TMCO4: variants seen among roughly 807,000 people sequenced by gnomAD.
TMCO4 encodes transmembrane and coiled-coil domains 4.
Under a neutral mutation model 64.7 loss-of-function variants are expected in TMCO4, and 58 were observed. The ratio of observed to expected loss-of-function variants is 0.90; its 90% CI spans 0.73 to 1.12. The LOEUF is 1.12. Among genes scored for constraint, TMCO4 ranks in the 50% most tolerant of loss-of-function variants. TMCO4 has a pLI of 0.00. For synonymous variants in TMCO4, 325 were observed against 346.1 expected (o/e 0.94, Z 0.68); for missense variants, 780 against 825.9 (o/e 0.94, Z 0.68).
chr1:19,735,981 T>C (rs1351568064), intron 13 of TMCO4, among the ~76,000 whole-genome samples: 1 of 152,150 alleles, frequency 6.6e-6, no homozygotes, highest in Non-Finnish European at 1.5e-5. Flanking sequence ...CCAGCACCGA[T>C]GGCCAGATAC....
chr1:19,797,265 A>C (rs1013762098), intron 2 of TMCO4, among the ~76,000 whole-genome samples: 2 of 152,150 alleles, frequency 1.3e-5, no homozygotes, highest in African/African-American at 4.8e-5. Context: ...CCCAGCAATG[A>C]GAGTATAATT....
At chr1:19,712,670 C>T (rs1003298234) in intron 13 of TMCO4, among the ~76,000 whole-genome samples, 1 of 150,908 alleles carries the variant, frequency 6.6e-6, no homozygotes, top group African/African-American at 2.4e-5. Context: ...GTGAGAATTA[C>T]CAAATGTGTC....
chr1:19,707,094 C>T (rs55922021), intron 13 of TMCO4, among the ~76,000 whole-genome samples: 3,413 of 152,284 alleles, frequency 0.022, 104 homozygotes, highest in African/African-American at 0.073. Context: ...GCAATGGCCT[C>T]GAAGCCCTGC....
At chr1:19,778,367 G>A (rs543953067) in intron 4 of TMCO4, among the ~76,000 whole-genome samples, 10 of 152,040 alleles carry the variant, frequency 6.6e-5, no homozygotes, top group Admixed American at 5.2e-4. Flanking sequence ...TCTGCCTCCC[G>A]GGTTCAAGCG....
At chr1:19,751,155 T>C (rs573142761) in intron 7 of TMCO4, among the ~76,000 whole-genome samples, 1 of 152,342 alleles carries the variant, frequency 6.6e-6, no homozygotes, top group South Asian at 2.1e-4. Flanking sequence ...GCTTGGAAAC[T>C]GGAGGGTACT....
rs138041522 is a variant in TMCO4 at position 19,772,455 on chromosome 1, G to A, written c.180-973C>T. 1.1e-3 allele frequency among the ~76,000 whole-genome samples: 171 copies of A among 152,264 alleles called. 1 individual carries two copies. The highest frequency in any genetic ancestry group is 1.5e-3 in the Non-Finnish European group (103 of 67,992). ...CCCCAGGGGAGGATGGGATGGGGCC[G>A]CTCTAGGGGAGAAGGAAGCCTTTGA... On this transcript the variant is annotated intron_variant, in intron 4 of 15. Coordinates refer to ENST00000294543, the MANE Select transcript of TMCO4 (RefSeq NM_181719.7).
intron 4 of TMCO4, among the ~76,000 whole-genome samples, chr1:19,773,493 C>A (rs1156996839): frequency 6.6e-6 from 1 of 152,172 alleles, no homozygotes; most frequent in Non-Finnish European, 1.5e-5. Context: ...GATGCAGGTG[C>A]CCCAGGGAGG....
rs1348216947 is a variant in TMCO4 at position 19,755,527 on chromosome 1, C to T, written c.515+107G>A. Reference sequence around the variant, plus strand: ...GCTGGGACTCTGTCCAGGGCTCCTTCCACCTCACTACACCATCTCTTAAAG... The same window carrying T: ...GCTGGGACTCTGTCCAGGGCTCCTTTCACCTCACTACACCATCTCTTAAAG... On this transcript the variant is annotated intron_variant, in intron 7 of 15. Transcript: ENST00000294543. The T allele has an allele frequency of 4.7e-6, 7 of 1,497,128 alleles. No homozygotes were observed. The South Asian group carries it at 6.4e-5, about 14-fold the overall frequency. The allele number at this position is 1,497,128 out of a possible 1,614,324, so 92.7% of individuals were successfully genotyped here. A position where few individuals can be genotyped will look rare whatever the true frequency, so the allele number is the denominator to read the frequency against.
chr1:19,782,481 T>C (rs983545007), intron 3 of TMCO4, among the ~76,000 whole-genome samples: 7 of 152,172 alleles, frequency 4.6e-5, no homozygotes, highest in South Asian at 2.1e-4. Context: ...GGTATAAATA[T>C]ATTTAAAAAT....
rs947612590 is a variant in TMCO4, at chr1:19,734,902, G to A, written c.1264+2470C>T. ...CCTGTGGCTGCAGTGAGGGAGGAAT[G>A]TGATCACACTTGCAAGTGCTTGGAA... On this transcript the variant is annotated intron_variant, in intron 13 of 15. Transcript: ENST00000294543. The surrounding 1 kb of genome is among the most constrained non-coding windows in gnomAD (Gnocchi z 4.4). Among the ~76,000 whole-genome samples the A allele has an allele frequency of 6.6e-6, 1 of 152,162 alleles. No homozygotes were observed. The highest frequency in any genetic ancestry group is 2.4e-5 in the African/African-American group (1 of 41,448).
At chr1:19,748,835 T>TGAAC (rs1467921649) in intron 7 of TMCO4, among the ~76,000 whole-genome samples, 1 of 137,664 alleles carries the variant, frequency 7.3e-6, no homozygotes, top group Admixed American at 7.2e-5. Context: ...AATGAATGAG[T>TGAAC]GAATGAATGA....
intron 2 of TMCO4, among the ~76,000 whole-genome samples, chr1:19,787,720 C>T (rs115132373): frequency 0.015 from 2,336 of 152,292 alleles, 67 homozygotes; most frequent in African/African-American, 0.053. Context: ...AAAACCTCAA[C>T]TAATTTGAGC....
intron 15 of TMCO4, among the ~76,000 whole-genome samples, chr1:19,693,657 C>G (rs1194271112): frequency 1.3e-5 from 2 of 152,194 alleles, no homozygotes; most frequent in Admixed American, 1.3e-4. Flanking sequence ...ACTCATGGCT[C>G]TGCCCCTAGA....
At chr1:19,776,307 C>T (rs918825098) in intron 4 of TMCO4, among the ~76,000 whole-genome samples, 1 of 152,206 alleles carries the variant, frequency 6.6e-6, no homozygotes, top group Non-Finnish European at 1.5e-5. Flanking sequence ...GAGAAGGAAA[C>T]ACTCCACGGC....
At chr1:19,772,924 T>C (rs1192261655) in intron 4 of TMCO4, among the ~76,000 whole-genome samples, 2 of 152,188 alleles carry the variant, frequency 1.3e-5, no homozygotes, top group Non-Finnish European at 2.9e-5. Flanking sequence ...GCGCAGTGGC[T>C]CACGCCTGTA....
chr1:19,772,937 C>T (rs2043049243), intron 4 of TMCO4, among the ~76,000 whole-genome samples: 1 of 152,186 alleles, frequency 6.6e-6, no homozygotes, highest in African/African-American at 2.4e-5. Context: ...CGCCTGTAAT[C>T]CCAACGCTTT....
intron 6 of TMCO4, among the ~76,000 whole-genome samples, chr1:19,768,727 C>T (rs950984100): frequency 3.3e-5 from 5 of 152,200 alleles, no homozygotes; most frequent in Admixed American, 1.3e-4. Context: ...TAGGCCCAAA[C>T]ACACTCTTTG....
At position 19,780,669 on chromosome 1, in the gene TMCO4, C is replaced by T. The variant is rs749892949; in HGVS notation, c.90G>A (p.Thr30=). 77 of 1,613,970 alleles carry T rather than the reference C, an allele frequency of 4.8e-5. 1 individual carries two copies. In the Middle Eastern group the frequency reaches 5.0e-4, roughly 10 times the overall value. Residue 30 remains threonine, a synonymous_variant, in exon 4 of 16, where the codon ACG becomes ACA. Transcript: ENST00000294543. The stretch of plus-strand genomic sequence containing the variant: ...GGTTGGCCTCAGTCAGCTCCCGGCC[C>T]GTGGGCAGGTGTGGCTCCCCCTCTG... ...PTAEGEPHLP[T]GRELTEANRF...
At chr1:19,730,774 TA>T (rs2095427027) in intron 13 of TMCO4, among the ~76,000 whole-genome samples, 1 of 152,162 alleles carries the variant, frequency 6.6e-6, no homozygotes, top group Admixed American at 6.5e-5. Flanking sequence ...CAAGTTTTGT[TA>T]GGGGCAGTGG....
Sources: gnomAD v4.1 joint callset for allele counts (sites outside exome capture counted in the v4.1 genomes callset) on GRCh38, gnomAD v4.1.1 for gene constraint, Gnocchi (gnomAD v3.1) non-coding constraint, MANE v1.5 for transcripts, NCBI Gene and HGNC (gene_info 2026-07-23, HGNC 2026-07-21) for gene names.